Variants in FHL2 observed in about 807,000 individuals in gnomAD.
FHL2 encodes the protein four and a half LIM domains protein 2.
A neutral mutation model predicts 32.7 loss-of-function variants in FHL2; 20 were observed. The observed-to-expected ratio is 0.61, with a 90% CI of 0.43 to 0.89. FHL2 has a LOEUF of 0.89. FHL2 is among the 40% of genes least tolerant of loss of function. The probability of loss-of-function intolerance (pLI) is 0.00; values close to 1 mark genes in which losing one functional copy is unlikely to be tolerated. For missense variants in FHL2, 311 were observed against 358.6 expected, an observed-to-expected ratio of 0.87 and a Z score of 1.07; for synonymous variants, 123 against 128.1, an observed-to-expected ratio of 0.96 and a Z score of 0.27.
At chr2:105,416,194 A>G (rs1683930529) in intron 1 of FHL2, among the ~76,000 whole-genome samples, 1 of 152,260 alleles carries the variant, frequency 6.6e-6, no homozygotes, top group African/African-American at 2.4e-5. Flanking sequence ...TAAATCCGTA[A>G]CAGGTAACAT....
At chr2:105,397,873 G>GTTT (rs1192168352) in intron 1 of FHL2, among the ~76,000 whole-genome samples, 1 of 40,372 alleles carries the variant, frequency 2.5e-5, no homozygotes, top group Non-Finnish European at 6.4e-5. Flanking sequence ...AATGGTTTTT[G>GTTT]TTTTTTTGTT....
intron 1 of FHL2, among the ~76,000 whole-genome samples, chr2:105,413,549 C>T (rs1683854743): frequency 6.6e-6 from 1 of 152,162 alleles, no homozygotes; most frequent in African/African-American, 2.4e-5. Flanking sequence ...TCACAGCTCA[C>T]TATAACCTCA....
At position 105,414,961 on chromosome 2, in the gene FHL2, C is replaced by A. The variant is rs527706960; in HGVS notation, c.-25+23438G>T. Among the ~76,000 whole-genome samples the A allele has an allele frequency of 5.3e-5, 8 of 152,358 alleles. No individual in the cohort carries two copies. The East Asian group carries it at 1.5e-3, about 29-fold the overall frequency. ...CAATTCCTCAGTAACCTATGACTTACAATTTTCTCTAATACAACTGTAGTC... is the reference window on the plus strand; with the variant it reads ...CAATTCCTCAGTAACCTATGACTTAAAATTTTCTCTAATACAACTGTAGTC... On this transcript the variant is annotated intron_variant, in intron 1 of 5. Transcript: ENST00000393352.
At chr2:105,415,145 A>G (rs1035315694) in intron 1 of FHL2, among the ~76,000 whole-genome samples, 1 of 152,258 alleles carries the variant, frequency 6.6e-6, no homozygotes, top group Non-Finnish European at 1.5e-5. Context: ...GAGTCAAGTC[A>G]TTCGTCCATA....
At chr2:105,384,040 C>G (rs1311626510) in intron 3 of FHL2, among the ~76,000 whole-genome samples, 1 of 152,146 alleles carries the variant, frequency 6.6e-6, no homozygotes, top group African/African-American at 2.4e-5. Context: ...GGAAGGATGA[C>G]GGCTTTTAAG....
intron 1 of FHL2, among the ~76,000 whole-genome samples, chr2:105,418,382 C>T (rs1263639869): frequency 2.6e-5 from 4 of 151,966 alleles, no homozygotes; most frequent in Non-Finnish European, 4.4e-5. Flanking sequence ...ACTTATTTTC[C>T]TCCTATTGAA....
intron 1 of FHL2, among the ~76,000 whole-genome samples, chr2:105,413,772 GC>G (rs890796583): frequency 3.5e-4 from 53 of 152,248 alleles, no homozygotes; most frequent in African/African-American, 1.3e-3. Context: ...GAGCCATCAC[GC>G]CCAACCCCAA....
In FHL2 at chr2:105,361,322, C is replaced by T. The variant is rs1573266848; in HGVS notation, c.801G>A (p.Arg267=). Residue 267 remains arginine (R), a synonymous_variant, in exon 7 of 7, where the codon AGG becomes AGA. Transcript: ENST00000530340. The part of the protein sequence containing the change: ...SLVGRGFLTE[R]DDILCPDCGK... ...CACAGTCGGGGCACAGGATGTCGTC[C>T]CTCTCTGTGAGGAAGCCACGCCCCA... The T allele has an allele frequency of 1.2e-6, 2 of 1,614,012 alleles. No homozygotes were observed. Among genetic ancestry groups the T allele is most frequent in the Non-Finnish European group, 1.7e-6 (2 of 1,179,914 alleles).
intron 3 of FHL2, among the ~76,000 whole-genome samples, chr2:105,381,091 G>A (rs57573753): frequency 0.12 from 18,497 of 152,050 alleles, 1,285 homozygotes; most frequent in East Asian, 0.29. Flanking sequence ...AGACTGAAAC[G>A]TCTGGCTCTC....
At chr2:105,400,725 A>G (rs1481723255), upstream of FHL2, among the ~76,000 whole-genome samples, 1 of 125,060 alleles carries the variant, frequency 8.0e-6, no homozygotes, top group Non-Finnish European at 1.7e-5. Flanking sequence ...TACGGGTGTA[A>G]TCCATTTAGC....
In FHL2 at chr2:105,399,016, G is replaced by A; in HGVS notation, c.-250C>T. 6.7e-7 allele frequency: 1 copy of A among 1,494,578 alleles called. No homozygotes were observed. Among genetic ancestry groups the A allele is most frequent in the Non-Finnish European group, 8.9e-7 (1 of 1,125,402 alleles). 92.6% of individuals were successfully genotyped at this position (1,494,578 alleles called of 1,614,324 possible). A position where few individuals can be genotyped will look rare whatever the true frequency, so the allele number is the denominator to read the frequency against. On this transcript the variant is annotated 5_prime_UTR_variant, in exon 1 of 7. Transcript: ENST00000530340. ...CTCCCGGACGGGGCTGGAGGGCGCG[G>A]GCGGCTGGTGGCTGCGGCTCCGCTG...
chr2:105,399,815 A>G, upstream of FHL2: 1 of 514,596 alleles, frequency 1.9e-6, no homozygotes, highest in South Asian at 2.5e-5. Context: ...TGATGGAAAC[A>G]TTTGCTCCTG....
intron 2 of FHL2, among the ~76,000 whole-genome samples, 182 bp from the exon 3 acceptor site, chr2:105,386,722 T>C (rs1367078192): frequency 2.0e-5 from 3 of 151,482 alleles, no homozygotes; most frequent in Non-Finnish European, 4.4e-5. Context: ...CTTTTTTCAT[T>C]AGCTAGGGCG....
intron 3 of FHL2, among the ~76,000 whole-genome samples, chr2:105,380,248 C>T (rs1034529133): frequency 6.6e-6 from 1 of 152,164 alleles, no homozygotes; most frequent in African/African-American, 2.4e-5. Context: ...GAAAATGCCA[C>T]CAAAAGGCCT....
At chr2:105,381,158 C>T (rs902304481) in intron 3 of FHL2, among the ~76,000 whole-genome samples, 28 of 152,166 alleles carry the variant, frequency 1.8e-4, no homozygotes, top group African/African-American at 6.5e-4. Flanking sequence ...TTCTTCAGAT[C>T]CATACGATTT....
chr2:105,369,986 GC>G (rs1486604146), intron 4 of FHL2, among the ~76,000 whole-genome samples: 1 of 152,230 alleles, frequency 6.6e-6, no homozygotes, highest in Non-Finnish European at 1.5e-5. Context: ...GGTGGCAGGA[GC>G]GTTCCTTCTC....
chr2:105,358,295 G>C (rs985448984), downstream of FHL2: 2 of 152,268 alleles, frequency 1.3e-5, no homozygotes, highest in African/African-American at 4.8e-5. Flanking sequence ...TCTGGGGGCT[G>C]GACAGCAGCC....
At chr2:105,399,953 C>G (rs866154701), upstream of FHL2, among the ~76,000 whole-genome samples, 5 of 152,154 alleles carry the variant, frequency 3.3e-5, no homozygotes, top group African/African-American at 1.2e-4. Flanking sequence ...AATACATCCT[C>G]CAGAGAAGGC....
At chr2:105,401,733 T>G (rs1313844124), upstream of FHL2, among the ~76,000 whole-genome samples, 2 of 152,210 alleles carry the variant, frequency 1.3e-5, no homozygotes, top group African/African-American at 4.8e-5. Flanking sequence ...CTATATTTAC[T>G]GATTTGGCAT....
Sources: allele counts gnomAD v4.1 joint callset (sites outside exome capture counted in the v4.1 genomes callset), GRCh38; gene constraint gnomAD v4.1.1; transcripts MANE v1.5; gene names NCBI Gene and HGNC (gene_info 2026-07-23, HGNC 2026-07-21).